TTC17: variants seen among roughly 807,000 people sequenced by gnomAD.
TTC17 encodes tetratricopeptide repeat domain 17.
TTC17 carries 58 observed loss-of-function variants against 143.8 expected under a neutral mutation model. That is an observed-to-expected ratio of 0.40 (90% CI 0.33 to 0.50). TTC17 has a LOEUF of 0.50. TTC17 is among the 20% of genes least tolerant of loss of function. The probability of loss-of-function intolerance (pLI) is 0.49; values close to 1 mark genes in which losing one functional copy is unlikely to be tolerated. For synonymous variants in TTC17, 501 were observed against 497.8 expected, an observed-to-expected ratio of 1.01 and a Z score of -0.09; for missense variants, 1,273 against 1,392.5, an observed-to-expected ratio of 0.91 and a Z score of 1.37.
intron 1 of TTC17, among the ~76,000 whole-genome samples, chr11:43,366,377 G>A (rs968325379): frequency 5.3e-5 from 8 of 151,694 alleles, no homozygotes; most frequent in Admixed American, 3.3e-4. Flanking sequence ...ATGGTGGTGC[G>A]CACCTGTAAT....
In TTC17 at chr11:43,391,897, G is replaced by A. The variant is rs749878757; in HGVS notation, c.608G>A (p.Arg203Gln). 24 of 1,613,494 alleles carry A rather than the reference G, an allele frequency of 1.5e-5. No individual in the cohort carries two copies. Among genetic ancestry groups the A allele is most frequent in the East Asian group, 2.2e-5 (1 of 44,856 alleles). The change falls in exon 5 of 24, where the codon CGG (arginine) becomes CAG (glutamine). Residue 203 changes from arginine (R) to glutamine (Q), a missense_variant. Coordinates refer to ENST00000039989, the MANE Select transcript of TTC17 (RefSeq NM_018259.6). ...EDPIFTYLSK[R>Q]LGRSIDDIGH... ...CCAATCTTCACATATTTATCTAAACGGTTAGGAAGGAGTATAGATGACATA... is the reference window on the plus strand; with the variant it reads ...CCAATCTTCACATATTTATCTAAACAGTTAGGAAGGAGTATAGATGACATA...
chr11:43,426,383 TATC>T (rs1210002279), intron 16 of TTC17, among the ~76,000 whole-genome samples: 8 of 152,246 alleles, frequency 5.3e-5, no homozygotes, highest in Non-Finnish European at 1.0e-4. Context: ...AAATACATAA[TATC>T]ATCATGTGCT....
intron 16 of TTC17, among the ~76,000 whole-genome samples, chr11:43,433,038 G>C (rs149772867): frequency 2.7e-5 from 4 of 149,672 alleles, no homozygotes; most frequent in African/African-American, 1.0e-4. Context: ...ATCTCGCTCT[G>C]TCACCAGGCT....
At chr11:43,437,424 ATG>A (rs1035338683) in intron 16 of TTC17, among the ~76,000 whole-genome samples, 4 of 152,184 alleles carry the variant, frequency 2.6e-5, no homozygotes, top group African/African-American at 9.6e-5. Context: ...TTTAGTCTGT[ATG>A]TGAAGAAAGA....
chr11:43,464,517 C>T (rs571139306), intron 21 of TTC17, among the ~76,000 whole-genome samples: 4 of 151,718 alleles, frequency 2.6e-5, no homozygotes, highest in East Asian at 1.9e-4. Context: ...TTCAAACAGG[C>T]GCAATGAACA....
At chr11:43,451,365 C>CT (rs1947654408) in intron 21 of TTC17, 100 bp downstream of exon 21, 1 of 1,037,326 alleles carries the variant, frequency 9.6e-7, no homozygotes, top group African/African-American at 1.6e-5. Flanking sequence ...CTGTTAGTTA[C>CT]TTAGCACTTG....
At chr11:43,430,265 A>G (rs1947123203) in intron 16 of TTC17, among the ~76,000 whole-genome samples, 1 of 152,052 alleles carries the variant, frequency 6.6e-6, no homozygotes, top group African/African-American at 2.4e-5. Flanking sequence ...CTGTCTCTAC[A>G]AAAATTACAA....
intron 1 of TTC17, among the ~76,000 whole-genome samples, chr11:43,361,906 C>T (rs1173040406): frequency 6.6e-6 from 1 of 151,662 alleles, no homozygotes; most frequent in Admixed American, 6.6e-5. Context: ...ATATATGGGT[C>T]ATTGTTTTCC....
rs1285758207 is a variant in TTC17, at chr11:43,490,323, C to T, written c.3115C>T (p.Arg1039Cys). The T allele has an allele frequency of 5.0e-6, 8 of 1,612,644 alleles. No individual in the cohort carries two copies. Among genetic ancestry groups the T allele is most frequent in the Admixed American group, 1.7e-5 (1 of 59,880 alleles). ...AGGAAAGAAGGCAATCGACTGCCTCCGCCAGGCTCTGCACTATGCGCCACA... is the reference window on the plus strand; with the variant it reads ...AGGAAAGAAGGCAATCGACTGCCTCTGCCAGGCTCTGCACTATGCGCCACA... ...GQGKKAIDCL[R>C]QALHYAPHQM... Residue 1039 changes from arginine (R) to cysteine (C), a missense_variant, in exon 22 of 24, where the codon CGC becomes TGC. By Grantham distance (180) the Arg-to-Cys change is radical. This residue lies in a region of TTC17 where 878 missense variants were observed against 899.8 expected (regional missense o/e 0.98). Coordinates refer to ENST00000039989, the MANE Select transcript of TTC17 (RefSeq NM_018259.6).
intron 21 of TTC17, 60 bp downstream of exon 21, chr11:43,451,325 T>C (rs1038346758): frequency 1.3e-6 from 2 of 1,516,942 alleles, no homozygotes; most frequent in Non-Finnish European, 1.8e-6. Context: ...CTTTTCTAAG[T>C]TATTTGCTCC....
chr11:43,386,780 T>TG (rs1447295746), intron 2 of TTC17, among the ~76,000 whole-genome samples: 1 of 149,378 alleles, frequency 6.7e-6, no homozygotes, highest in Admixed American at 6.8e-5. Context: ...TATGTATGTA[T>TG]TTATTTATTT....
At chr11:43,448,572 T>C (rs537291945) in intron 19 of TTC17, 65 of 155,170 alleles carry the variant, frequency 4.2e-4, no homozygotes, top group Non-Finnish European at 8.3e-4. Context: ...CCTTTAAGTG[T>C]TGGAGTTCCC....
intron 21 of TTC17, among the ~76,000 whole-genome samples, chr11:43,468,704 A>G (rs1948029724): frequency 6.6e-6 from 1 of 152,164 alleles, no homozygotes; most frequent in Non-Finnish European, 1.5e-5. Context: ...GGAGGCCAAA[A>G]CAGAAGGATT....
intron 13 of TTC17, among the ~76,000 whole-genome samples, chr11:43,406,513 T>C (rs1020484681): frequency 6.7e-6 from 1 of 150,286 alleles, no homozygotes; most frequent in African/African-American, 2.4e-5. Flanking sequence ...ATTCCATAGA[T>C]AAAAATGAAA....
Position 43,404,033 on chromosome 11 carries a change from T to A in TTC17, c.1368T>A (p.Ser456=), listed in dbSNP as rs1449907215. The A allele has an allele frequency of 1.2e-6, 2 of 1,612,350 alleles. No homozygotes were observed. The highest frequency in any genetic ancestry group is 1.7e-6 in the Non-Finnish European group (2 of 1,179,188). Residue 456 remains serine (S), a synonymous_variant, in exon 11 of 24, where the codon TCT becomes TCA. Transcript: ENST00000039989. The stretch of plus-strand genomic sequence containing the variant: ...ATTCATCAACCTCCAGTATGATGTC[T>A]GTGAACTTTGATGTTCAATCAAATC... ...GEDSSTSSMM[S]VNFDVQSNQS... is the part of the protein sequence containing the mutation.
Position 43,407,222 on chromosome 11 carries a change from C to T in TTC17, c.1839+7C>T, listed in dbSNP as rs767032345. 1 of 1,583,340 alleles carries T rather than the reference C, an allele frequency of 6.3e-7. No homozygotes were observed. Among genetic ancestry groups the T allele is most frequent in the Non-Finnish European group, 8.6e-7 (1 of 1,164,650 alleles). On this transcript the variant is annotated splice_region_variant and intron_variant, in intron 14 of 23. Coordinates refer to ENST00000039989, the MANE Select transcript of TTC17 (RefSeq NM_018259.6). ...ATTTCATGCTATTAATAAGGTGAGT[C>T]ATTTACTTTAGACATCTAAAACTTA...
chr11:43,443,779 G>A (rs945902158), intron 17 of TTC17, among the ~76,000 whole-genome samples, 195 bp downstream of exon 17: 1 of 152,176 alleles, frequency 6.6e-6, no homozygotes, highest in African/African-American at 2.4e-5. Flanking sequence ...TGGAAGGCAG[G>A]AGGAAATGGG....
chr11:43,494,078 T>C lies in TTC17; in HGVS notation c.*174T>C, dbSNP rs953886065. Reference sequence around the variant, plus strand: ...TTTGTTTTTGTTTTTACGTTTCTCCTTTCCCCCAACCAACCTCAGAAGAGG... The same window carrying C: ...TTTGTTTTTGTTTTTACGTTTCTCCCTTCCCCCAACCAACCTCAGAAGAGG... On this transcript the variant is annotated 3_prime_UTR_variant, in exon 24 of 24. Transcript: ENST00000039989. 3.9e-5 allele frequency: 37 copies of C among 956,618 alleles called. No individual in the cohort carries two copies. Among genetic ancestry groups the C allele is most frequent in the Middle Eastern group, 3.4e-4 (1 of 2,914 alleles). The allele number at this position is 956,618 out of a possible 1,614,324, so 59.3% of individuals were successfully genotyped here.
intron 21 of TTC17, among the ~76,000 whole-genome samples, chr11:43,474,860 CAAGG>C (rs1948156347): frequency 2.6e-5 from 4 of 152,068 alleles, no homozygotes; most frequent in African/African-American, 7.2e-5. Flanking sequence ...AAGAAAATCA[CAAGG>C]AAGAGAAAAT....
Sources: gnomAD v4.1 joint callset for allele counts (sites outside exome capture counted in the v4.1 genomes callset) on GRCh38, gnomAD v4.1.1 for gene constraint, gnomAD v4.1.1 regional missense constraint, MANE v1.5 for transcripts, NCBI Gene and HGNC (gene_info 2026-07-23, HGNC 2026-07-21) for gene names.